Variants in WAC observed in about 807,000 individuals in gnomAD.
WAC encodes WW domain containing adaptor with coiled-coil.
A neutral mutation model predicts 79.6 loss-of-function variants in WAC; 11 were observed. The ratio of observed to expected loss-of-function variants is 0.14; its 90% CI spans 0.09 to 0.23. WAC has a LOEUF of 0.23. WAC is among the 10% of genes least tolerant of loss of function. The pLI, the probability that WAC is intolerant of heterozygous loss-of-function variation, is 1.00. For missense variants in WAC, 728 were observed against 773.5 expected, an observed-to-expected ratio of 0.94 and a Z score of 0.70; for synonymous variants, 304 against 276.9, an observed-to-expected ratio of 1.10 and a Z score of -0.97.
intron 3 of WAC, among the ~76,000 whole-genome samples, chr10:28,562,286 C>T (rs1838343268): frequency 2.0e-5 from 3 of 152,186 alleles, no homozygotes; most frequent in African/African-American, 7.2e-5. Flanking sequence ...CGAACTCTGA[C>T]CTCAAGTAAT....
intron 13 of WAC, 52 bp downstream of exon 13, chr10:28,617,836 A>T (rs1378298579): frequency 3.3e-6 from 5 of 1,511,662 alleles, no homozygotes; most frequent in Non-Finnish European, 4.4e-6. Flanking sequence ...TATGATTCTT[A>T]AATCGAACTA....
chr10:28,567,537 T>C (rs577746947), intron 3 of WAC, among the ~76,000 whole-genome samples: 1 of 152,304 alleles, frequency 6.6e-6, no homozygotes, highest in South Asian at 2.1e-4. Flanking sequence ...AGTCTCTTCT[T>C]AGAGATTACA....
chr10:28,575,741 TTAGCAACA>T (rs766275551), intron 3 of WAC, among the ~76,000 whole-genome samples: 1 of 152,238 alleles, frequency 6.6e-6, no homozygotes, highest in Non-Finnish European at 1.5e-5. Context: ...AGATGTATGA[TTAGCAACA>T]TTCTATGTGT....
intron 3 of WAC, among the ~76,000 whole-genome samples, chr10:28,572,330 C>G (rs2132556142): frequency 7.8e-6 from 1 of 128,436 alleles, no homozygotes; most frequent in East Asian, 2.2e-4. Context: ...GAGTGAGACT[C>G]TGTCTCCAAA....
At chr10:28,569,742 T>C (rs542171729) in intron 3 of WAC, among the ~76,000 whole-genome samples, 1 of 152,344 alleles carries the variant, frequency 6.6e-6, no homozygotes, top group African/African-American at 2.4e-5. Context: ...GATGTTGTCA[T>C]ACATATGGTT....
intron 3 of WAC, among the ~76,000 whole-genome samples, chr10:28,549,174 T>G (rs537634868): frequency 1.7e-4 from 26 of 152,284 alleles, no homozygotes; most frequent in African/African-American, 6.0e-4. Context: ...GCTGGGATAA[T>G]GGGTGTGAGC....
chr10:28,569,733 A>T (rs547122093), intron 3 of WAC, among the ~76,000 whole-genome samples: 1 of 152,236 alleles, frequency 6.6e-6, no homozygotes, highest in African/African-American at 2.4e-5. Context: ...ATGTCTAGAG[A>T]TGTTGTCATA....
In WAC at chr10:28,595,866, C is replaced by A; in HGVS notation, c.744C>A (p.His248Gln). The change falls in exon 7 of 14, where the codon CAC becomes CAA. Residue 248 changes from histidine (H) to glutamine (Q), a missense_variant. Around this residue, in one of 3 missense-constraint regions of WAC, gnomAD observed 648 missense variants for 661.5 expected, o/e 0.98. Transcript: ENST00000354911. Reference sequence around the variant, plus strand: ...ACAGTAGTTCTACGCCAGTACAGCACCCCATCAAACCAGTGGTTCATCCAA... The same window carrying A: ...ACAGTAGTTCTACGCCAGTACAGCAACCCATCAAACCAGTGGTTCATCCAA... The part of the protein sequence containing the change: ...ETHSSSTPVQ[H>Q]PIKPVVHPTA... The A allele has an allele frequency of 6.2e-7, 1 of 1,614,158 alleles. No homozygotes were observed. The highest frequency in any genetic ancestry group is 8.5e-7 in the Non-Finnish European group (1 of 1,180,006).
intron 3 of WAC, among the ~76,000 whole-genome samples, chr10:28,542,596 A>G (rs1233479414): frequency 6.6e-6 from 1 of 152,252 alleles, no homozygotes; most frequent in Non-Finnish European, 1.5e-5. Context: ...GAAGGGTTGC[A>G]GTTCATGAAT....
chr10:28,541,424 T>TTG (rs1837034746), intron 3 of WAC, among the ~76,000 whole-genome samples: 2 of 136,948 alleles, frequency 1.5e-5, no homozygotes, highest in African/African-American at 2.7e-5. Flanking sequence ...TGTTTTGTTT[T>TTG]TTTTTTTTTT....
At chr10:28,543,172 CAA>C (rs1208452695) in intron 3 of WAC, among the ~76,000 whole-genome samples, 1 of 152,158 alleles carries the variant, frequency 6.6e-6, no homozygotes, top group African/African-American at 2.4e-5. Context: ...TGCCTTTTAA[CAA>C]GATCTCGGGT....
chr10:28,595,689 C>T (rs1589219211), intron 6 of WAC, 44 bp from the exon 7 acceptor site: 1 of 1,569,046 alleles, frequency 6.4e-7, no homozygotes, highest in Non-Finnish European at 8.7e-7. Context: ...TTTCTTCCCC[C>T]TTCTGTCATT....
At chr10:28,551,824 T>G (rs1208942032) in intron 3 of WAC, among the ~76,000 whole-genome samples, 39 of 76,572 alleles carry the variant, frequency 5.1e-4, no homozygotes, top group East Asian at 2.5e-3. Context: ...GTGTGTTTCT[T>G]TTTTTTTTTT....
rs559958181 is a variant in WAC, at chr10:28,581,101, C to T, written c.275-2298C>T. Among the ~76,000 whole-genome samples the T allele has an allele frequency of 5.3e-5, 8 of 152,154 alleles. No individual in the cohort carries two copies. The South Asian group carries it at 1.5e-3, about 28-fold the overall frequency. ...AAGCTCACTAGAGATTTAGTGTGCA[C>T]GGCTTTTACTGGATTTGGTGAGTTA... On this transcript the variant is annotated intron_variant, in intron 3 of 13. Transcript: ENST00000354911.
chr10:28,544,477 TAAATG>T (rs987245892), intron 3 of WAC, among the ~76,000 whole-genome samples: 1 of 152,348 alleles, frequency 6.6e-6, no homozygotes, highest in East Asian at 1.9e-4. Context: ...GTTGCGGGGT[TAAATG>T]AAATTGTGTA....
Position 28,546,344 on chromosome 10 carries a change from G to A in WAC, c.274+10587G>A, listed in dbSNP as rs527898117. 2.3e-3 allele frequency among the ~76,000 whole-genome samples: 353 copies of A among 152,326 alleles called. 1 individual carries two copies. Among genetic ancestry groups the A allele is most frequent in the African/African-American group, 8.0e-3 (334 of 41,576 alleles). The stretch of plus-strand genomic sequence containing the variant: ...ATTTGTTCTAACTTCATAGAATTGT[G>A]TGCCTGTTGATTGTGAAAAGATTCA... On this transcript the variant is annotated intron_variant, in intron 3 of 13. Coordinates refer to ENST00000354911, the MANE Select transcript of WAC (RefSeq NM_016628.5).
At chr10:28,608,989 C>A (rs1038081611) in intron 8 of WAC, among the ~76,000 whole-genome samples, 1 of 152,024 alleles carries the variant, frequency 6.6e-6, no homozygotes, top group African/African-American at 2.4e-5. Context: ...ATGCTACTTA[C>A]GTTTCAGAAT....
chr10:28,554,230 A>C (rs927041898), intron 3 of WAC, among the ~76,000 whole-genome samples: 1 of 152,208 alleles, frequency 6.6e-6, no homozygotes, highest in Non-Finnish European at 1.5e-5. Context: ...ACACTACTTC[A>C]TATAAGGGAA....
chr10:28,538,997 AC>A, intron 3 of WAC, among the ~76,000 whole-genome samples: 1 of 152,308 alleles, frequency 6.6e-6, no homozygotes, highest in Non-Finnish European at 1.5e-5. Flanking sequence ...CAGGTTACTT[AC>A]TATATGCATT....
Sources: gnomAD v4.1 joint callset for allele counts (sites outside exome capture counted in the v4.1 genomes callset) on GRCh38, gnomAD v4.1.1 for gene constraint, gnomAD v4.1.1 regional missense constraint, MANE v1.5 for transcripts, NCBI Gene and HGNC (gene_info 2026-07-23, HGNC 2026-07-21) for gene names.